Variants in PSMA8 observed in about 807,000 individuals in gnomAD.
PSMA8 encodes the protein proteasome 20S subunit alpha 8, also known as proteasome subunit alpha-type 8.
In PSMA8, 18 loss-of-function variants were observed where a neutral mutation model predicts 32.4. The observed-to-expected ratio is 0.56, with a 90% CI of 0.38 to 0.82. The LOEUF (loss-of-function observed/expected upper bound fraction) is 0.82. Among genes scored for constraint, PSMA8 ranks in the 40% least tolerant of loss-of-function variants. The pLI, the probability that PSMA8 is intolerant of heterozygous loss-of-function variation, is 0.00. For synonymous variants in PSMA8, 104 were observed against 98.1 expected (o/e 1.06, Z -0.36); for missense variants, 298 against 300.7 (o/e 0.99, Z 0.07).
At chr18:26,135,208 A>T (rs1403119226) in intron 1 of PSMA8, among the ~76,000 whole-genome samples, 1 of 152,228 alleles carries the variant, frequency 6.6e-6, no homozygotes, top group Non-Finnish European at 1.5e-5. Flanking sequence ...TAAAGAGGAC[A>T]AAAGTGCCCT....
rs141582009 is a variant in PSMA8, at chr18:26,147,120, C to T, written c.229+2435C>T. ...GAAACCATCCCCATGAGCCAATCAC[C>T]TTATATCAGGCCCCACCTCCAACTT... On this transcript the variant is annotated intron_variant, in intron 2 of 6. Coordinates refer to ENST00000415576, the MANE Select transcript of PSMA8 (RefSeq NM_001025096.2). 5.3e-5 allele frequency among the ~76,000 whole-genome samples: 8 copies of T among 149,744 alleles called. No individual in the cohort carries two copies. The East Asian group carries it at 1.4e-3, about 26-fold the overall frequency.
intron 4 of PSMA8, chr18:26,171,288 A>G: frequency 1.3e-6 from 2 of 1,519,590 alleles, no homozygotes; most frequent in South Asian, 2.2e-5. Context: ...ACCAACCATG[A>G]CAGCAGCGGG....
rs1161517488 is a variant in PSMA8 at position 26,144,551 on chromosome 18, C to T, written c.103-8C>T. ...TCTGAATATATATGTATTTTAATGA[C>T]TTGACAGGTCGGAATTCGAGGTACC... On this transcript the variant is annotated splice_region_variant and splice_polypyrimidine_tract_variant and intron_variant, in intron 1 of 6. Coordinates refer to ENST00000415576, the MANE Select transcript of PSMA8 (RefSeq NM_001025096.2). The T allele has an allele frequency of 6.2e-7, 1 of 1,609,534 alleles. No individual in the cohort carries two copies. The highest frequency in any genetic ancestry group is 1.7e-5 in the Admixed American group (1 of 59,948).
intron 6 of PSMA8, among the ~76,000 whole-genome samples, chr18:26,190,497 C>T (rs369346523): frequency 9.2e-5 from 14 of 152,212 alleles, no homozygotes; most frequent in African/African-American, 3.4e-4. Context: ...GCCTGTAATC[C>T]CAGCATTTTG....
intron 6 of PSMA8, among the ~76,000 whole-genome samples, chr18:26,181,344 T>C (rs148022626): frequency 2.2e-4 from 34 of 152,336 alleles, no homozygotes; most frequent in African/African-American, 7.7e-4. Flanking sequence ...AAATGTTGCA[T>C]GTGTTCTGAC....
In PSMA8 at chr18:26,151,930, A is replaced by C; in HGVS notation, c.302A>C (p.Glu101Ala). The C allele has an allele frequency of 1.2e-6, 2 of 1,612,620 alleles. No homozygotes were observed. Among genetic ancestry groups the C allele is most frequent in the Non-Finnish European group, 1.7e-6 (2 of 1,179,472 alleles). Residue 101 changes from glutamate to alanine, a missense_variant, in exon 3 of 7, where the codon GAG becomes GCG. By Grantham distance (107) the Glu-to-Ala change is moderately radical. Transcript: ENST00000415576. The part of the protein sequence containing the change: ...VECQSHKLTV[E>A]DPVTVEYITR... ...TGCCAGAGCCATAAGCTTACGGTTGAGGACCCAGTCACTGTAGAATACATA... is the reference window on the plus strand; with the variant it reads ...TGCCAGAGCCATAAGCTTACGGTTGCGGACCCAGTCACTGTAGAATACATA...
At chr18:26,134,253 T>TTTA (rs2054890166) in intron 1 of PSMA8, among the ~76,000 whole-genome samples, 186 bp downstream of exon 1, 1 of 151,868 alleles carries the variant, frequency 6.6e-6, no homozygotes, top group Non-Finnish European at 1.5e-5. Flanking sequence ...GTGGGCAGAG[T>TTTA]AAAAGTTAGT....
chr18:26,189,802 C>T (rs1023491194), intron 6 of PSMA8, among the ~76,000 whole-genome samples: 11 of 152,046 alleles, frequency 7.2e-5, no homozygotes, highest in Non-Finnish European at 1.5e-4. Flanking sequence ...GGTGTATACC[C>T]AAAAGAAAGG....
At chr18:26,190,576 C>G (rs1217432603) in intron 6 of PSMA8, among the ~76,000 whole-genome samples, 2 of 152,108 alleles carry the variant, frequency 1.3e-5, no homozygotes, top group African/African-American at 2.4e-5. Context: ...TGGCGAAACC[C>G]CGTCTCTACA....
intron 4 of PSMA8, among the ~76,000 whole-genome samples, chr18:26,166,883 C>T (rs775066556): frequency 3.3e-4 from 50 of 152,130 alleles, no homozygotes; most frequent in Admixed American, 7.9e-4. Context: ...CCACAATGAG[C>T]CTGACAGTTT....
chr18:26,185,437 G>A (rs1005678868), intron 6 of PSMA8, among the ~76,000 whole-genome samples: 2 of 150,666 alleles, frequency 1.3e-5, no homozygotes, highest in African/African-American at 4.9e-5. Flanking sequence ...GTGTGTTCTA[G>A]TAAGGTTGAT....
intron 6 of PSMA8, 30 bp downstream of exon 6, chr18:26,179,160 T>A: frequency 6.4e-7 from 1 of 1,554,152 alleles, no homozygotes; most frequent in Non-Finnish European, 8.8e-7. Context: ...GGAAAAAGTA[T>A]CTGTAGTATA....
chr18:26,169,637 C>T (rs1354601775), intron 4 of PSMA8, among the ~76,000 whole-genome samples: 3 of 128,768 alleles, frequency 2.3e-5, no homozygotes, highest in Non-Finnish European at 4.5e-5. Context: ...GTCACGAGTT[C>T]GAGACTAGCC....
chr18:26,137,515 G>C (rs911492512), intron 1 of PSMA8, among the ~76,000 whole-genome samples: 2 of 152,170 alleles, frequency 1.3e-5, no homozygotes, highest in African/African-American at 4.8e-5. Context: ...AGGTAATAAT[G>C]CATGTGAAGC....
intron 4 of PSMA8, chr18:26,171,166 T>C: frequency 6.4e-7 from 1 of 1,558,894 alleles, no homozygotes; most frequent in South Asian, 1.1e-5. Flanking sequence ...ACTGAAGAGG[T>C]TGTGGTCATT....
intron 4 of PSMA8, 23 bp from the exon 5 acceptor site, chr18:26,178,807 T>C: frequency 6.2e-7 from 1 of 1,601,366 alleles, no homozygotes. Flanking sequence ...ATGATATTAA[T>C]AAATTAACTT....
chr18:26,174,765 T>C (rs571412235), intron 4 of PSMA8, among the ~76,000 whole-genome samples: 1 of 152,326 alleles, frequency 6.6e-6, no homozygotes, highest in African/African-American at 2.4e-5. Context: ...AGGTATTAGG[T>C]AAACAAGCTC....
intron 6 of PSMA8, among the ~76,000 whole-genome samples, chr18:26,184,850 G>T (rs1489650763): frequency 6.7e-6 from 1 of 149,056 alleles, no homozygotes. Context: ...ACTTTGGGAG[G>T]CCAAGGCGGG....
intron 6 of PSMA8, among the ~76,000 whole-genome samples, chr18:26,181,550 G>T (rs766017854): frequency 6.6e-6 from 1 of 152,206 alleles, no homozygotes; most frequent in Non-Finnish European, 1.5e-5. Flanking sequence ...TAGTGAGGAA[G>T]GCAGTCAAAA....
Sources: gnomAD v4.1 joint callset for allele counts (sites outside exome capture counted in the v4.1 genomes callset) on GRCh38, gnomAD v4.1.1 for gene constraint, MANE v1.5 for transcripts, NCBI Gene and HGNC (gene_info 2026-07-23, HGNC 2026-07-21) for gene names.